SCLT1: variants seen among roughly 807,000 people sequenced by gnomAD.
SCLT1 encodes the protein sodium channel and clathrin linker 1, also known as sodium channel-associated protein 1.
Under a neutral mutation model 112.8 loss-of-function variants are expected in SCLT1, and 78 were observed. That is an observed-to-expected ratio of 0.69 (90% CI 0.58 to 0.83). The LOEUF (loss-of-function observed/expected upper bound fraction) is 0.83, where lower values mean the gene tolerates loss of function less well. Among genes scored for constraint, SCLT1 ranks in the 40% least tolerant of loss-of-function variants. SCLT1 has a pLI of 0.00. For missense variants in SCLT1, 747 were observed against 770.4 expected, an observed-to-expected ratio of 0.97 and a Z score of 0.36; for synonymous variants, 257 against 254.7, an observed-to-expected ratio of 1.01 and a Z score of -0.09.
chr4:128,967,617 T>C (rs937434383), intron 10 of SCLT1, among the ~76,000 whole-genome samples: 3 of 152,246 alleles, frequency 2.0e-5, no homozygotes, highest in African/African-American at 7.2e-5. Context: ...GTGTTGAGCA[T>C]TTTTTCATTT....
intron 18 of SCLT1, among the ~76,000 whole-genome samples, chr4:128,910,381 A>G (rs938061907): frequency 6.6e-6 from 1 of 152,170 alleles, no homozygotes; most frequent in African/African-American, 2.4e-5. Context: ...TTTAAAGGAG[A>G]TTTGCATCGA....
intron 5 of SCLT1, among the ~76,000 whole-genome samples, chr4:129,004,298 G>A (rs577813325): frequency 1.1e-3 from 163 of 152,014 alleles, no homozygotes; most frequent in African/African-American, 3.7e-3. Flanking sequence ...TTTCTTCAGC[G>A]TGTTTCACCA....
rs1421980706 is a variant in SCLT1, at chr4:128,884,558, A to G, written c.2005-19T>C. 1.3e-6 allele frequency: 2 copies of G among 1,533,398 alleles called. No homozygotes were observed. The highest frequency in any genetic ancestry group is 1.8e-6 in the Non-Finnish European group (2 of 1,108,668). The allele number at this position is 1,533,398 out of a possible 1,614,324, so 95.0% of individuals were successfully genotyped here. The stretch of plus-strand genomic sequence containing the variant: ...CACTGAGCTGCAATTAAAATAAACA[A>G]TCGGTAAGTAGTTACTTTTTCTGTG... On this transcript the variant is annotated intron_variant, in intron 20 of 20. Transcript: ENST00000281142.
chr4:128,945,646 A>T (rs1738089731), intron 16 of SCLT1, among the ~76,000 whole-genome samples: 1 of 152,094 alleles, frequency 6.6e-6, no homozygotes, highest in Non-Finnish European at 1.5e-5. Context: ...TACAAGATGG[A>T]TCATTATAGA....
chr4:128,910,400 T>C (rs1735001859), intron 18 of SCLT1, among the ~76,000 whole-genome samples: 1 of 152,238 alleles, frequency 6.6e-6, no homozygotes, highest in South Asian at 2.1e-4. Flanking sequence ...GATACTTTTG[T>C]GAGCTTTGTT....
At chr4:128,914,855 T>A (rs180676339) in intron 18 of SCLT1, among the ~76,000 whole-genome samples, 5 of 152,324 alleles carry the variant, frequency 3.3e-5, no homozygotes, top group Non-Finnish European at 1.5e-5. Flanking sequence ...TAATTTTCAG[T>A]ATTCAAATGA....
intron 2 of SCLT1, among the ~76,000 whole-genome samples, chr4:129,050,236 C>T (rs1030627524): frequency 2.6e-5 from 4 of 151,976 alleles, no homozygotes; most frequent in Non-Finnish European, 4.4e-5. Flanking sequence ...ATTTATAATA[C>T]TTTAGGTATA....
chr4:129,069,301 T>C (rs1385751757), intron 2 of SCLT1, among the ~76,000 whole-genome samples: 1 of 152,212 alleles, frequency 6.6e-6, no homozygotes, highest in Admixed American at 6.5e-5. Context: ...TTTTTTCTAA[T>C]TCTGTGAAGA....
chr4:129,046,627 G>T (rs6845314), intron 2 of SCLT1, among the ~76,000 whole-genome samples: 2 of 151,882 alleles, frequency 1.3e-5, no homozygotes, highest in Non-Finnish European at 2.9e-5. Flanking sequence ...ATTATAAACA[G>T]TGCTGCTACA....
chr4:128,989,599 G>A (rs1035605320), intron 9 of SCLT1, among the ~76,000 whole-genome samples: 1 of 151,388 alleles, frequency 6.6e-6, no homozygotes, highest in Non-Finnish European at 1.5e-5. Flanking sequence ...CTCAACATTA[G>A]TATAAGAAAT....
At chr4:128,911,349 A>T (rs1229206014) in intron 18 of SCLT1, among the ~76,000 whole-genome samples, 1 of 152,234 alleles carries the variant, frequency 6.6e-6, no homozygotes, top group East Asian at 1.9e-4. Flanking sequence ...GCAGTTACAG[A>T]TACTATACAC....
intron 18 of SCLT1, among the ~76,000 whole-genome samples, chr4:128,931,241 A>T (rs893986020): frequency 6.6e-6 from 1 of 152,100 alleles, no homozygotes; most frequent in African/African-American, 2.4e-5. Context: ...TTAGTAATTC[A>T]GCAGTAAAGC....
intron 5 of SCLT1, among the ~76,000 whole-genome samples, chr4:129,009,673 A>T (rs1369725496): frequency 1.3e-5 from 2 of 152,052 alleles, no homozygotes; most frequent in Non-Finnish European, 2.9e-5. Context: ...CTGGCGTGAG[A>T]TGGTATCTCA....
At chr4:128,879,092 C>A (rs1374416427), downstream of SCLT1, among the ~76,000 whole-genome samples, 1 of 151,058 alleles carries the variant, frequency 6.6e-6, no homozygotes, top group Admixed American at 6.6e-5. Context: ...CAAACCTGCA[C>A]ATTGTGCACA....
chr4:128,971,793 T>A (rs940704355), intron 9 of SCLT1: 3 of 151,914 alleles, frequency 2.0e-5, no homozygotes, highest in Non-Finnish European at 4.4e-5. Flanking sequence ...GAGGCCGAGG[T>A]GGGAGGATCA....
chr4:128,971,255 C>T (rs1167261623), intron 9 of SCLT1: 2 of 152,092 alleles, frequency 1.3e-5, no homozygotes, highest in African/African-American at 4.8e-5. Context: ...TTCTTAATTA[C>T]ATTTTATGTA....
intron 2 of SCLT1, among the ~76,000 whole-genome samples, chr4:129,076,128 TTTAA>T (rs1466785593): frequency 1.3e-5 from 2 of 152,154 alleles, no homozygotes; most frequent in Non-Finnish European, 2.9e-5. Context: ...ATACTGTAAT[TTTAA>T]TTATTTCATT....
intron 5 of SCLT1, among the ~76,000 whole-genome samples, chr4:129,008,702 G>C (rs149594755): frequency 3.4e-4 from 51 of 152,162 alleles, no homozygotes; most frequent in African/African-American, 1.1e-3. Context: ...TACATGTACA[G>C]GTTTGTTATA....
chr4:128,901,873 C>T (rs1363178870), intron 18 of SCLT1, among the ~76,000 whole-genome samples: 2 of 152,000 alleles, frequency 1.3e-5, no homozygotes, highest in Non-Finnish European at 2.9e-5. Flanking sequence ...CATATATGTA[C>T]ACACACATAC....
Sources: gnomAD v4.1 joint callset for allele counts (sites outside exome capture counted in the v4.1 genomes callset) on GRCh38, gnomAD v4.1.1 for gene constraint, MANE v1.5 for transcripts, NCBI Gene and HGNC (gene_info 2026-07-23, HGNC 2026-07-21) for gene names.